Variants in SLC24A2 observed in about 807,000 individuals in gnomAD.
The protein encoded by SLC24A2 is solute carrier family 24 member 2.
A neutral mutation model predicts 62.0 loss-of-function variants in SLC24A2; 36 were observed. The observed-to-expected ratio is 0.58, with a 90% CI of 0.44 to 0.77. The LOEUF (loss-of-function observed/expected upper bound fraction) is 0.77. SLC24A2 is among the 30% of genes least tolerant of loss of function. The pLI, the probability that SLC24A2 is intolerant of heterozygous loss-of-function variation, is 0.00. For synonymous variants in SLC24A2, 358 were observed against 294.0 expected (o/e 1.22, Z -2.23); for missense variants, 846 against 817.9 (o/e 1.03, Z -0.42).
At chr9:19,747,639 C>T (rs542183366) in intron 2 of SLC24A2, among the ~76,000 whole-genome samples, 2 of 152,264 alleles carry the variant, frequency 1.3e-5, no homozygotes, top group South Asian at 4.1e-4. Context: ...TCTTGTCTTA[C>T]CTGGAAATTA....
chr9:19,833,767 C>G, the SLC24A2 span, among the ~76,000 whole-genome samples: 1 of 152,256 alleles, frequency 6.6e-6, no homozygotes, highest in Non-Finnish European at 1.5e-5. Flanking sequence ...TGAGAATAGG[C>G]AGACTGCCTC....
intron 7 of SLC24A2, among the ~76,000 whole-genome samples, chr9:19,567,471 G>A (rs1163622306): frequency 6.0e-5 from 9 of 149,442 alleles, no homozygotes; most frequent in East Asian, 5.9e-4. Context: ...GCGTGAACCC[G>A]GGAGGCGGAG....
chr9:20,222,086 G>T, the SLC24A2 span, among the ~76,000 whole-genome samples: 1 of 152,044 alleles, frequency 6.6e-6, no homozygotes, highest in Non-Finnish European at 1.5e-5. Flanking sequence ...AGTAGGCTAA[G>T]ATCTTGTTAT....
At chr9:19,533,869 T>G (rs570676541) in intron 8 of SLC24A2, among the ~76,000 whole-genome samples, 18 of 152,354 alleles carry the variant, frequency 1.2e-4, no homozygotes, top group African/African-American at 4.1e-4. Flanking sequence ...ACTGGATTTG[T>G]GTCAACTGGC....
intron 2 of SLC24A2, among the ~76,000 whole-genome samples, chr9:19,708,351 A>G (rs1820600103): frequency 6.6e-6 from 1 of 152,132 alleles, no homozygotes; most frequent in Non-Finnish European, 1.5e-5. Context: ...TATAGATTCA[A>G]TGCCATCCCC....
the SLC24A2 span, among the ~76,000 whole-genome samples, chr9:19,804,902 C>A: frequency 6.6e-6 from 1 of 152,062 alleles, no homozygotes; most frequent in African/African-American, 2.4e-5. Flanking sequence ...TAGCATTTCT[C>A]CTTTATTCTA....
chr9:20,016,531 C>T, the SLC24A2 span, among the ~76,000 whole-genome samples: 4 of 152,126 alleles, frequency 2.6e-5, no homozygotes, highest in Non-Finnish European at 4.4e-5. Flanking sequence ...TTTGAGGTGA[C>T]TGATTTTCTA....
Position 19,510,587 on chromosome 9 carries a change from T to C in SLC24A2, c.*5566A>G, listed in dbSNP as rs1247709473. 6.6e-6 allele frequency: 1 copy of C among 152,214 alleles called. No homozygotes were observed. Among genetic ancestry groups the C allele is most frequent in the Non-Finnish European group, 1.5e-5 (1 of 68,042 alleles). 9.4% of individuals were successfully genotyped at this position (152,214 alleles called of 1,614,324 possible). A position where few individuals can be genotyped will look rare whatever the true frequency, so the allele number is the denominator to read the frequency against. On this transcript the variant is annotated 3_prime_UTR_variant, in exon 11 of 11. Transcript: ENST00000341998. ...TGGGATCTCCCCCGTAAGAGGACTG[T>C]CCTTTGGATTAGCGTGATAGGCTAG...
chr9:19,670,493 A>G (rs1819382982), intron 2 of SLC24A2, among the ~76,000 whole-genome samples: 1 of 152,186 alleles, frequency 6.6e-6, no homozygotes, highest in African/African-American at 2.4e-5. Context: ...TATGATGGCT[A>G]CCATTACAAA....
intron 4 of SLC24A2, among the ~76,000 whole-genome samples, chr9:19,611,795 GGAA>G (rs1837181098): frequency 6.6e-6 from 1 of 152,132 alleles, no homozygotes; most frequent in African/African-American, 2.4e-5. Flanking sequence ...ACTAGGGATG[GGAA>G]GAAGAAGGTG....
chr9:19,773,335 T>C (rs970973915), intron 2 of SLC24A2, among the ~76,000 whole-genome samples: 1 of 152,196 alleles, frequency 6.6e-6, no homozygotes, highest in African/African-American at 2.4e-5. Context: ...GAAAAGCTGT[T>C]ATTAAAAAGT....
At chr9:20,032,580 A>G in the SLC24A2 span, among the ~76,000 whole-genome samples, 3 of 152,250 alleles carry the variant, frequency 2.0e-5, no homozygotes, top group African/African-American at 7.2e-5. Flanking sequence ...ATGACAGAGA[A>G]GTACGGTAAC....
the SLC24A2 span, among the ~76,000 whole-genome samples, chr9:20,133,760 T>C: frequency 6.6e-6 from 1 of 152,154 alleles, no homozygotes; most frequent in Non-Finnish European, 1.5e-5. Context: ...GTAAGTGGTT[T>C]AATTCAGGAA....
At chr9:19,690,332 T>C (rs1354852379) in intron 2 of SLC24A2, among the ~76,000 whole-genome samples, 1 of 152,118 alleles carries the variant, frequency 6.6e-6, no homozygotes, top group Non-Finnish European at 1.5e-5. Context: ...CGAGGATGCA[T>C]GACTCAGGCT....
chr9:19,813,020 C>T, the SLC24A2 span, among the ~76,000 whole-genome samples: 1 of 152,190 alleles, frequency 6.6e-6, no homozygotes, highest in African/African-American at 2.4e-5. Context: ...GCTCCTTAGT[C>T]TCCTGCTCAG....
the SLC24A2 span, among the ~76,000 whole-genome samples, chr9:20,173,233 G>C: frequency 1.6e-4 from 24 of 152,032 alleles, no homozygotes; most frequent in African/African-American, 5.5e-4. Flanking sequence ...AATACTGAAC[G>C]GGGAAAAGCT....
At chr9:20,055,623 C>G in the SLC24A2 span, among the ~76,000 whole-genome samples, 8 of 152,114 alleles carry the variant, frequency 5.3e-5, no homozygotes, top group Non-Finnish European at 1.2e-4. Context: ...CGCGGTGGTT[C>G]ATGCCTATAA....
chr9:19,907,377 A>G, the SLC24A2 span, among the ~76,000 whole-genome samples: 1 of 152,242 alleles, frequency 6.6e-6, no homozygotes, highest in South Asian at 2.1e-4. Context: ...GTCATACTGA[A>G]TGGGCAAAAA....
chr9:20,039,128 G>A, the SLC24A2 span, among the ~76,000 whole-genome samples: 3 of 152,206 alleles, frequency 2.0e-5, no homozygotes, highest in East Asian at 1.9e-4. Flanking sequence ...GAAAGGAGGC[G>A]GCATGGTGTG....
Sources: gnomAD v4.1 joint callset for allele counts (sites outside exome capture counted in the v4.1 genomes callset) on GRCh38, gnomAD v4.1.1 for gene constraint, MANE v1.5 for transcripts, NCBI Gene and HGNC (gene_info 2026-07-23, HGNC 2026-07-21) for gene names.